The following AGAP1 variants were observed in gnomAD, a reference collection of about 807,000 sequenced individuals.
AGAP1 encodes ArfGAP with GTPase domain, ankyrin repeat and PH domain 1, also known as arf-GAP with GTPase, ANK repeat and PH domain-containing protein 1.
Under a neutral mutation model 105.3 loss-of-function variants are expected in AGAP1, and 29 were observed. The ratio of observed to expected loss-of-function variants is 0.28; its 90% confidence interval spans 0.21 to 0.38. AGAP1 has a LOEUF of 0.38. Among genes scored for constraint, AGAP1 ranks in the 10% least tolerant of loss-of-function variants. The probability of loss-of-function intolerance (pLI) is 1.00; values close to 1 mark genes in which losing one functional copy is unlikely to be tolerated. For missense variants in AGAP1, 998 were observed against 1,165.1 expected (o/e 0.86, Z 2.09); for synonymous variants, 509 against 485.9 (o/e 1.05, Z -0.63).
In AGAP1 at chr2:235,777,568, C is replaced by T. The variant is rs188976878; in HGVS notation, c.674-20191C>T. Among the ~76,000 whole-genome samples, 821 of 152,304 alleles carry T rather than the reference C, an allele frequency of 5.4e-3. 4 individuals are homozygous for T. The highest frequency in any genetic ancestry group is 9.2e-3 in the Non-Finnish European group (626 of 68,034). ...GGCTGTACTCGCCATGTCCTGTTGC[C>T]ATAGAGGACGAGTCACAGCTGTCTC... On this transcript the variant is annotated intron_variant, in intron 6 of 17. Transcript: ENST00000304032. The surrounding 1 kb of genome is among the most constrained non-coding windows in gnomAD (Gnocchi z 5.1).
chr2:235,557,825 G>A lies in AGAP1; in HGVS notation c.163+62976G>A, dbSNP rs984649472. On this transcript the variant is annotated intron_variant, in intron 1 of 17. Coordinates refer to ENST00000304032, the MANE Select transcript of AGAP1 (RefSeq NM_001037131.3). The surrounding 1 kb of genome is among the most constrained non-coding windows in gnomAD (Gnocchi z 4.7). The stretch of plus-strand genomic sequence containing the variant: ...GGACTTGGCTACATTTCGACAAGGG[G>A]AAGTTAGACACTTTAGATTCACAGT... Among the ~76,000 whole-genome samples, 2 of 152,214 alleles carry A rather than the reference G, an allele frequency of 1.3e-5. No individual in the cohort carries two copies. The highest frequency in any genetic ancestry group is 2.9e-5 in the Non-Finnish European group (2 of 68,038).
chr2:235,702,065 C>CT (rs1950283763), intron 1 of AGAP1, among the ~76,000 whole-genome samples: 1 of 151,946 alleles, frequency 6.6e-6, no homozygotes. Context: ...TTTCAGGTTC[C>CT]TTTTTTTAGC....
intron 9 of AGAP1, among the ~76,000 whole-genome samples, chr2:235,815,349 C>T (rs751911370): frequency 8.5e-5 from 13 of 152,196 alleles, no homozygotes; most frequent in Non-Finnish European, 1.3e-4. Context: ...TGTGTCCTCC[C>T]GTGGCCTGGA....
intron 1 of AGAP1, among the ~76,000 whole-genome samples, chr2:235,641,845 T>G (rs910389812): frequency 1.3e-5 from 2 of 152,248 alleles, no homozygotes; most frequent in Non-Finnish European, 2.9e-5. Flanking sequence ...TGCACAGGTA[T>G]GACCTGATTC....
Position 235,842,306 on chromosome 2 carries a change from T to C in AGAP1, c.1050+34975T>C, listed in dbSNP as rs1960956556. ...ACTGAAAGTTAACGTTTCCTTCAGA[T>C]ATGAATGTAGGCAACGATCCACAGT... On this transcript the variant is annotated intron_variant, in intron 9 of 17. Transcript: ENST00000304032. This position sits in a 1 kb window ranked among gnomAD's most constrained non-coding sequence, Gnocchi z 5.3. Among the ~76,000 whole-genome samples the C allele has an allele frequency of 2.0e-5, 3 of 152,230 alleles. No individual in the cohort carries two copies. In the South Asian group the frequency reaches 6.2e-4, roughly 32 times the overall value.
intron 8 of AGAP1, among the ~76,000 whole-genome samples, chr2:235,806,292 T>C (rs1957830077): frequency 1.3e-5 from 2 of 152,212 alleles, no homozygotes; most frequent in Non-Finnish European, 1.5e-5. Context: ...AATGTTCCCA[T>C]TGAAAAGTAA....
intron 11 of AGAP1, among the ~76,000 whole-genome samples, chr2:235,917,728 C>T (rs1372465041): frequency 6.6e-6 from 1 of 152,134 alleles, no homozygotes; most frequent in Non-Finnish European, 1.5e-5. Flanking sequence ...GGAACAGTGA[C>T]AAAGGTTTGA....
rs80341024 is a variant in AGAP1, at chr2:235,919,323, G to A, written c.1324+10417G>A. Among the ~76,000 whole-genome samples, 632 of 152,292 alleles carry A rather than the reference G, an allele frequency of 4.1e-3. 6 individuals carry two copies. The highest frequency in any genetic ancestry group is 0.015 in the African/African-American group (604 of 41,568). The stretch of plus-strand genomic sequence containing the variant: ...CAGAGGAGAGTTTTTCGAAGTAATC[G>A]TGACATTTTTCCATCTCGAAACCTT... On this transcript the variant is annotated intron_variant, in intron 11 of 17. Coordinates refer to ENST00000304032, the MANE Select transcript of AGAP1 (RefSeq NM_001037131.3). This position sits in a 1 kb window ranked among gnomAD's most constrained non-coding sequence, Gnocchi z 4.1.
At chr2:235,764,670 G>GT (rs1188423893) in intron 6 of AGAP1, among the ~76,000 whole-genome samples, 19 of 111,762 alleles carry the variant, frequency 1.7e-4, no homozygotes, top group South Asian at 5.2e-4. Context: ...CGCCCGTGGG[G>GT]TGGGGGCATC....
chr2:235,898,362 A>G (rs1297186325), intron 10 of AGAP1, among the ~76,000 whole-genome samples: 4 of 152,014 alleles, frequency 2.6e-5, no homozygotes, highest in Non-Finnish European at 5.9e-5. Flanking sequence ...GCATTTTGCA[A>G]TAAAAATGTC....
rs188130503 is a variant in AGAP1, at chr2:235,516,315, A to G, written c.163+21466A>G. 2.0e-5 allele frequency among the ~76,000 whole-genome samples: 3 copies of G among 151,844 alleles called. 1 individual carries two copies. Among genetic ancestry groups the G allele is most frequent in the Admixed American group, 2.0e-4 (3 of 15,228 alleles). ...CCCAGAAATAAAACAGAAATGCTGT[A>G]CTCCTTCCCTGTCTCAGGCCCAGGA... On this transcript the variant is annotated intron_variant, in intron 1 of 17. Coordinates refer to ENST00000304032, the MANE Select transcript of AGAP1 (RefSeq NM_001037131.3).
intron 8 of AGAP1, among the ~76,000 whole-genome samples, chr2:235,802,932 A>ATGGTGGTGG (rs1559506084): frequency 1.7e-4 from 1 of 5,860 alleles, no homozygotes; most frequent in Non-Finnish European, 3.5e-4. Context: ...GGTTGTGGTT[A>ATGGTGGTGG]TGATGGTTGT....
intron 16 of AGAP1, among the ~76,000 whole-genome samples, chr2:236,077,510 G>T (rs2058671865): frequency 6.6e-6 from 1 of 151,876 alleles, no homozygotes; most frequent in African/African-American, 2.4e-5. Context: ...GTAGAGACGG[G>T]GTTTCATCAT....
intron 9 of AGAP1, among the ~76,000 whole-genome samples, chr2:235,813,982 A>C (rs377678986): frequency 6.6e-6 from 1 of 152,130 alleles, no homozygotes; most frequent in Non-Finnish European, 1.5e-5. Context: ...CGTCACCCAC[A>C]TCGTTCTGCC....
chr2:235,544,500 G>C (rs1943560147), intron 1 of AGAP1, among the ~76,000 whole-genome samples: 1 of 152,194 alleles, frequency 6.6e-6, no homozygotes, highest in African/African-American at 2.4e-5. Flanking sequence ...GCTGGAAGGA[G>C]GCTTCCATCG....
chr2:236,045,002 A>AGG lies in AGAP1; in HGVS notation c.1892-4057_1892-4056insGG, dbSNP rs2057674097. On this transcript the variant is annotated intron_variant, in intron 15 of 17. Transcript: ENST00000304032. The surrounding 1 kb of genome is among the most constrained non-coding windows in gnomAD (Gnocchi z 6.9). The stretch of plus-strand genomic sequence containing the variant: ...CAATCATGGCTCACTGCAGCCTTGA[A>AGG]CTCTTAGGCTCCAGCAATCCTCCCA... Among the ~76,000 whole-genome samples, 2 of 151,542 alleles carry AGG rather than the reference A, an allele frequency of 1.3e-5. No homozygotes were observed. Among genetic ancestry groups the AGG allele is most frequent in the African/African-American group, 4.9e-5 (2 of 41,216 alleles).
intron 9 of AGAP1, among the ~76,000 whole-genome samples, chr2:235,870,586 A>G (rs867652233): frequency 1.3e-4 from 20 of 152,194 alleles, no homozygotes; most frequent in African/African-American, 4.3e-4. Context: ...AGGTTGCACC[A>G]TTGCACTCCA....
rs1347996610 is a variant in AGAP1, at chr2:235,736,233, C to T, written c.311-4730C>T. On this transcript the variant is annotated intron_variant, in intron 3 of 17. Transcript: ENST00000304032. The surrounding 1 kb of genome is among the most constrained non-coding windows in gnomAD (Gnocchi z 5.5). Reference sequence around the variant, plus strand: ...GGAGGTGCTGTGGTTCCAGGGTGGGCGCTGGTCCCTTCCCACGGAGCTCGC... The same window carrying T: ...GGAGGTGCTGTGGTTCCAGGGTGGGTGCTGGTCCCTTCCCACGGAGCTCGC... 6.6e-6 allele frequency among the ~76,000 whole-genome samples: 1 copy of T among 151,950 alleles called. No individual in the cohort carries two copies. Among genetic ancestry groups the T allele is most frequent in the Non-Finnish European group, 1.5e-5 (1 of 68,012 alleles).
chr2:236,015,485 G>A (rs530500169), intron 13 of AGAP1, among the ~76,000 whole-genome samples: 3 of 152,222 alleles, frequency 2.0e-5, no homozygotes, highest in South Asian at 2.1e-4. Context: ...GAAGACAGCC[G>A]TCATTGCTTT....
Sources: gnomAD v4.1 joint callset for allele counts (sites outside exome capture counted in the v4.1 genomes callset) on GRCh38, gnomAD v4.1.1 for gene constraint, Gnocchi (gnomAD v3.1) non-coding constraint, MANE v1.5 for transcripts, NCBI Gene and HGNC (gene_info 2026-07-23, HGNC 2026-07-21) for gene names.